The following LTF variants were observed in gnomAD, a reference collection of about 807,000 sequenced individuals.
LTF encodes the protein epididymis luminal protein 110.
A neutral mutation model predicts 87.2 loss-of-function variants in LTF; 91 were observed. That is an observed-to-expected ratio of 1.04 (90% confidence interval 0.88 to 1.24). The LOEUF (loss-of-function observed/expected upper bound fraction) is 1.24, where lower values mean the gene tolerates loss of function less well. Among genes scored for constraint, LTF ranks in the 50% most tolerant of loss-of-function variants. LTF has a pLI of 0.00. For synonymous variants in LTF, 378 were observed against 356.1 expected, an observed-to-expected ratio of 1.06 and a Z score of -0.69; for missense variants, 901 against 904.3, an observed-to-expected ratio of 1.00 and a Z score of 0.05.
chr3:46,440,880 A>T (rs1228500161), intron 14 of LTF, among the ~76,000 whole-genome samples: 2 of 152,222 alleles, frequency 1.3e-5, no homozygotes, highest in East Asian at 3.8e-4. Context: ...TGATTGTTCA[A>T]ACATTGGCTG....
chr3:46,446,115 G>A (rs1351909279), intron 11 of LTF, among the ~76,000 whole-genome samples: 1 of 152,096 alleles, frequency 6.6e-6, no homozygotes, highest in African/African-American at 2.4e-5. Flanking sequence ...ATTACCTATG[G>A]CTGTGAGTGA....
At chr3:46,484,036 T>G (rs146707696) in intron 1 of LTF, among the ~76,000 whole-genome samples, 38 of 152,244 alleles carry the variant, frequency 2.5e-4, no homozygotes, top group Non-Finnish European at 3.8e-4. Flanking sequence ...GCTGTCCTTG[T>G]TTGGGATGTA....
At chr3:46,477,552 T>C (rs1362823236) in intron 1 of LTF, among the ~76,000 whole-genome samples, 1 of 152,226 alleles carries the variant, frequency 6.6e-6, no homozygotes, top group Non-Finnish European at 1.5e-5. Context: ...ATTCAGCCTG[T>C]CTCAGCTTCA....
Position 46,447,437 on chromosome 3 carries a change from C to T in LTF, c.1213-39G>A. The stretch of plus-strand genomic sequence containing the variant: ...GCAGATCTCCAGCACCACAGTGAGG[C>T]TGCATCCCGTCCTGCCTGTCTATAT... On this transcript the variant is annotated intron_variant, in intron 9 of 16. Transcript: ENST00000231751. The T allele has an allele frequency of 2.1e-6, 3 of 1,421,102 alleles. No homozygotes were observed. In the South Asian group the frequency reaches 3.5e-5, roughly 16 times the overall value. The allele number at this position is 1,421,102 out of a possible 1,614,324, so 88.0% of individuals were successfully genotyped here.
intron 1 of LTF, among the ~76,000 whole-genome samples, chr3:46,471,231 C>G (rs1703281766): frequency 1.3e-5 from 2 of 152,166 alleles, no homozygotes; most frequent in Non-Finnish European, 2.9e-5. Context: ...GGCTGGCCTA[C>G]TCTCCATCTG....
chr3:46,481,800 G>A (rs1703434576), intron 1 of LTF, among the ~76,000 whole-genome samples: 1 of 152,208 alleles, frequency 6.6e-6, no homozygotes, highest in South Asian at 2.1e-4. Context: ...AGAAATTGGT[G>A]CAATCACTTT....
chr3:46,461,192 ATACATTGCT>A (rs1299145952), intron 1 of LTF, among the ~76,000 whole-genome samples: 1 of 152,252 alleles, frequency 6.6e-6, no homozygotes, highest in Non-Finnish European at 1.5e-5. Context: ...GGAAACCCTC[ATACATTGCT>A]GAGAATGTAA....
At chr3:46,455,240 G>A (rs1000449134) in intron 5 of LTF, 55 bp downstream of exon 5, 36 of 1,610,780 alleles carry the variant, frequency 2.2e-5, no homozygotes, top group Admixed American at 1.8e-4. Context: ...AAGGCCTCCC[G>A]GCCTGAGGCC....
intron 1 of LTF, chr3:46,484,954 G>C (rs746306810): frequency 6.6e-6 from 1 of 152,344 alleles, no homozygotes; most frequent in South Asian, 2.1e-4. Flanking sequence ...TCTCGGAGCA[G>C]AGCCAGCTCC....
At position 46,446,358 on chromosome 3, in the gene LTF, G is replaced by GT. The variant is rs548217267; in HGVS notation, c.1357+81dup. The GT allele has an allele frequency of 8.9e-4, 1,049 of 1,181,776 alleles. 3 individuals carry two copies. The highest frequency in any genetic ancestry group is 4.1e-3 in the African/African-American group (268 of 65,202). 73.2% of individuals were successfully genotyped at this position (1,181,776 alleles called of 1,614,324 possible). ...AGCTTCTAGGGCTGCAATTCTTTCT[G>GT]TTTTTTTTACAGTTCCTGCCACTTC... is the stretch of plus-strand genomic sequence containing the variant. On this transcript the variant is annotated intron_variant, in intron 11 of 16. Coordinates refer to ENST00000231751, the MANE Select transcript of LTF (RefSeq NM_002343.6).
chr3:46,438,848 C>T (rs1032639854), intron 15 of LTF, among the ~76,000 whole-genome samples: 3 of 152,124 alleles, frequency 2.0e-5, no homozygotes, highest in Non-Finnish European at 4.4e-5. Flanking sequence ...ATTTAGAGAG[C>T]CCTAAATCTA....
chr3:46,459,118 A>G (rs1302884019), intron 2 of LTF, among the ~76,000 whole-genome samples: 1 of 152,240 alleles, frequency 6.6e-6, no homozygotes, highest in Non-Finnish European at 1.5e-5. Context: ...ATTTCAGTAG[A>G]TCTTACATCT....
chr3:46,447,439 G>A (rs368379962), intron 9 of LTF, 41 bp from the exon 10 acceptor site: 53 of 1,404,654 alleles, frequency 3.8e-5, no homozygotes, highest in Non-Finnish European at 5.0e-5. Flanking sequence ...CAGTGAGGCT[G>A]CATCCCGTCC....
chr3:46,438,646 C>T (rs534172796), intron 15 of LTF, among the ~76,000 whole-genome samples: 35 of 152,324 alleles, frequency 2.3e-4, no homozygotes, highest in African/African-American at 8.2e-4. Flanking sequence ...CCCTCAGTCA[C>T]GGCAGCTCTC....
Position 46,478,688 on chromosome 3 carries a change from G to A in LTF, c.-320+6298C>T, listed in dbSNP as rs144050647. 8.5e-4 allele frequency among the ~76,000 whole-genome samples: 130 copies of A among 152,304 alleles called. 3 individuals are homozygous for A. In the South Asian group the frequency reaches 0.022, roughly 26 times the overall value. On this transcript the variant is annotated intron_variant, in intron 1 of 19. Coordinates refer to the LTF transcript ENST00000443496. ...ACTAGTGGGTGGGCCTGGGGACCTC[G>A]TAGATGAAGCAGAACCTGATGGCTA...
chr3:46,474,257 G>T (rs1215443874), intron 1 of LTF, among the ~76,000 whole-genome samples: 1 of 152,112 alleles, frequency 6.6e-6, no homozygotes, highest in African/African-American at 2.4e-5. Flanking sequence ...AAAGTAAAAT[G>T]ATAGAAAAAC....
Position 46,443,559 on chromosome 3 carries a change from C to A in LTF, c.1537G>T (p.Ala513Ser). 1 of 1,613,822 alleles carries A rather than the reference C, an allele frequency of 6.2e-7. No homozygotes were observed. Among genetic ancestry groups the A allele is most frequent in the African/African-American group, 1.3e-5 (1 of 74,908 alleles). ...KFDEYFSQSC[A>S]PGSDPRSNLC... is the part of the protein sequence containing the mutation. The stretch of plus-strand genomic sequence containing the variant: ...TTAGATCTCGGGTCAGACCCAGGGG[C>A]ACAGCTTTGACTGAAATATTCATCT... The change falls in exon 13 of 17, where the codon GCC (alanine) becomes TCC (serine). Residue 513 changes from alanine (A) to serine (S), a missense_variant. Ala to Ser is a moderately conservative substitution (Grantham distance 99). Coordinates refer to ENST00000231751, the MANE Select transcript of LTF (RefSeq NM_002343.6).
chr3:46,441,807 G>A (rs946829128), intron 13 of LTF: 9 of 248,070 alleles, frequency 3.6e-5, no homozygotes, highest in Middle Eastern at 1.3e-3. Context: ...ATGTGCAGGC[G>A]GCCTACACAG....
chr3:46,461,991 C>T (rs1703092425), intron 1 of LTF, among the ~76,000 whole-genome samples: 1 of 152,184 alleles, frequency 6.6e-6, no homozygotes, highest in African/African-American at 2.4e-5. Flanking sequence ...CCTGTAGCTC[C>T]CTGGCTGAGT....
Sources: gnomAD v4.1 joint callset for allele counts (sites outside exome capture counted in the v4.1 genomes callset) on GRCh38, gnomAD v4.1.1 for gene constraint, MANE v1.5 for transcripts, NCBI Gene and HGNC (gene_info 2026-07-23, HGNC 2026-07-21) for gene names.